Variants in FUBP3 observed in about 807,000 individuals in gnomAD.
FUBP3 encodes the protein far upstream element-binding protein 3.
Under a neutral mutation model 85.6 loss-of-function variants are expected in FUBP3, and 28 were observed. The observed-to-expected ratio is 0.33, with a 90% confidence interval of 0.24 to 0.45. FUBP3 has a LOEUF of 0.45. FUBP3 is among the 20% of genes least tolerant of loss of function. FUBP3 has a pLI of 1.00. For missense variants in FUBP3, 583 were observed against 755.1 expected, an observed-to-expected ratio of 0.77 and a Z score of 2.67; for synonymous variants, 271 against 271.4, an observed-to-expected ratio of 1.00 and a Z score of 0.01.
intron 11 of FUBP3, 111 bp downstream of exon 11, chr9:130,623,822 C>A: frequency 1.8e-6 from 1 of 564,756 alleles, no homozygotes; most frequent in Non-Finnish European, 3.1e-6. Context: ...TCTCAAGTCA[C>A]ATTATGGGAA....
rs868340411 is a variant in FUBP3 at position 130,637,834 on chromosome 9, A to G, written c.*812A>G. On this transcript the variant is annotated 3_prime_UTR_variant, in exon 19 of 19. Transcript: ENST00000319725. ...GTTATTTTTAATATTAAGAAATTCA[A>G]TATAACTTTTAACACACACTGTGGA... 4.6e-5 allele frequency: 7 copies of G among 152,642 alleles called. No individual in the cohort carries two copies. The highest frequency in any genetic ancestry group is 1.2e-4 in the African/African-American group (5 of 41,462). 9.5% of individuals were successfully genotyped at this position (152,642 alleles called of 1,614,324 possible).
intron 9 of FUBP3, among the ~76,000 whole-genome samples, chr9:130,621,382 G>A (rs551514813): frequency 6.6e-6 from 1 of 152,062 alleles, no homozygotes; most frequent in East Asian, 1.9e-4. Context: ...AGTCCCAGCT[G>A]TTCTAGAGGC....
At chr9:130,590,123 C>G (rs1312828458) in intron 1 of FUBP3, among the ~76,000 whole-genome samples, 1 of 133,330 alleles carries the variant, frequency 7.5e-6, no homozygotes, top group African/African-American at 2.8e-5. Context: ...GGAACTAAGT[C>G]AGTATCATAA....
chr9:130,610,647 A>G (rs1831697063), intron 3 of FUBP3, among the ~76,000 whole-genome samples: 1 of 152,246 alleles, frequency 6.6e-6, no homozygotes, highest in South Asian at 2.1e-4. Flanking sequence ...AGGGAAAAAT[A>G]TACAAGAAAC....
At chr9:130,603,627 C>T (rs1259506659) in intron 2 of FUBP3, among the ~76,000 whole-genome samples, 1 of 152,086 alleles carries the variant, frequency 6.6e-6, no homozygotes, top group Non-Finnish European at 1.5e-5. Context: ...GTTGGCTTAG[C>T]CAGCTAGGTA....
intron 12 of FUBP3, among the ~76,000 whole-genome samples, chr9:130,629,895 G>T (rs1387310587): frequency 6.6e-6 from 1 of 152,178 alleles, no homozygotes; most frequent in African/African-American, 2.4e-5. Flanking sequence ...TTCAGAAGAA[G>T]AATCCAACTA....
rs527518464 is a variant in FUBP3 at position 130,591,861 on chromosome 9, G to A, written c.85-3622G>A. 1.4e-3 allele frequency among the ~76,000 whole-genome samples: 211 copies of A among 152,264 alleles called. 1 individual carries two copies. Among genetic ancestry groups the A allele is most frequent in the African/African-American group, 4.7e-3 (197 of 41,560 alleles). On this transcript the variant is annotated intron_variant, in intron 1 of 18. Coordinates refer to ENST00000319725, the MANE Select transcript of FUBP3 (RefSeq NM_003934.2). ...AACTTTTATCATGGCGGCTTTGGAG[G>A]AAAAAATGACATGAAACTACTACAT... is the stretch of plus-strand genomic sequence containing the variant.
chr9:130,584,061 A>C (rs1830241638), intron 1 of FUBP3, among the ~76,000 whole-genome samples: 1 of 152,066 alleles, frequency 6.6e-6, no homozygotes, highest in Non-Finnish European at 1.5e-5. Context: ...TTAAAATCTG[A>C]TAGCCCATGT....
At chr9:130,595,124 G>A (rs1302040069) in intron 1 of FUBP3, among the ~76,000 whole-genome samples, 1 of 150,878 alleles carries the variant, frequency 6.6e-6, no homozygotes, top group South Asian at 2.1e-4. Context: ...TACTTGGGAA[G>A]TCGAGACAGG....
chr9:130,633,785 C>A (rs146061468), intron 16 of FUBP3, among the ~76,000 whole-genome samples: 1 of 152,200 alleles, frequency 6.6e-6, no homozygotes, highest in African/African-American at 2.4e-5. Context: ...TCCTTCCTCC[C>A]GCTGCTTGCT....
intron 2 of FUBP3, among the ~76,000 whole-genome samples, chr9:130,599,618 C>G (rs916803037): frequency 1.3e-5 from 2 of 152,056 alleles, no homozygotes; most frequent in Non-Finnish European, 2.9e-5. Flanking sequence ...ACCAGTCACT[C>G]CACCGCCCTC....
intron 2 of FUBP3, among the ~76,000 whole-genome samples, chr9:130,607,760 G>C (rs1270151756): frequency 2.0e-5 from 3 of 152,188 alleles, no homozygotes; most frequent in African/African-American, 4.8e-5. Flanking sequence ...ACATGTTTCA[G>C]CCTTGGGTGG....
At chr9:130,632,144 G>T in intron 15 of FUBP3, 58 bp from the exon 16 acceptor site, 1 of 1,499,134 alleles carries the variant, frequency 6.7e-7, no homozygotes, top group South Asian at 1.1e-5. Context: ...AGTGAAGAGG[G>T]AGACGACAGG....
rs1017530520 is a variant in FUBP3 at position 130,635,772 on chromosome 9, A to G, written c.1583-227A>G. 2 of 474,190 alleles carry G rather than the reference A, an allele frequency of 4.2e-6. No homozygotes were observed. The highest frequency in any genetic ancestry group is 7.5e-6 in the Non-Finnish European group (2 of 266,102). The allele number at this position is 474,190 out of a possible 1,614,324, so 29.4% of individuals were successfully genotyped here. On this transcript the variant is annotated intron_variant, in intron 17 of 18. Transcript: ENST00000319725. The surrounding 1 kb of genome is among the most constrained non-coding windows in gnomAD (Gnocchi z 4.3). ...GAATGCGCTTCCGCAGAGAGAAGGC[A>G]GGCGTGAGGATTGGTCTTCACAGGC... is the stretch of plus-strand genomic sequence containing the variant.
chr9:130,603,030 A>G (rs762185920), intron 2 of FUBP3, among the ~76,000 whole-genome samples: 1 of 152,124 alleles, frequency 6.6e-6, no homozygotes, highest in African/African-American at 2.4e-5. Context: ...CCAAGGTAAC[A>G]AAGGGTAGAG....
Position 130,613,026 on chromosome 9 carries a change from A to G in FUBP3, c.345A>G (p.Ser115=), listed in dbSNP as rs1397716073. The change falls in exon 5 of 19, where the codon TCA becomes TCG. Residue 115 remains serine, a splice_region_variant and synonymous_variant. Coordinates refer to ENST00000319725, the MANE Select transcript of FUBP3 (RefSeq NM_003934.2). ...AESGCKIQIA[S]ESSGIPERPC... is the part of the protein sequence containing the mutation. ...CTGGTTGCAAAATTCAGATTGCTTCAGGTAAGGGCTTTTTAAAAATAGATA... is the reference window on the plus strand; with the variant it reads ...CTGGTTGCAAAATTCAGATTGCTTCGGGTAAGGGCTTTTTAAAAATAGATA... 2 of 1,591,396 alleles carry G rather than the reference A, an allele frequency of 1.3e-6. No homozygotes were observed. The highest frequency in any genetic ancestry group is 1.7e-6 in the Non-Finnish European group (2 of 1,159,836).
At chr9:130,617,767 T>G in intron 7 of FUBP3, 30 bp from the exon 8 acceptor site, 31 of 1,298,728 alleles carry the variant, frequency 2.4e-5, no homozygotes, top group South Asian at 3.5e-5. Context: ...GCATTATTCA[T>G]GAGGCTGTGC....
In FUBP3 at chr9:130,635,830, C is replaced by T; in HGVS notation, c.1583-169C>T. ...GGGCCGGGCAACAAGAGGCTAACAG[C>T]ACCTTTTGTAGCAAGCGCTCCTGCA... On this transcript the variant is annotated intron_variant, in intron 17 of 18. Coordinates refer to ENST00000319725, the MANE Select transcript of FUBP3 (RefSeq NM_003934.2). This position sits in a 1 kb window ranked among gnomAD's most constrained non-coding sequence, Gnocchi z 4.3. 1.5e-6 allele frequency: 1 copy of T among 649,252 alleles called. No homozygotes were observed. Among genetic ancestry groups the T allele is most frequent in the Non-Finnish European group, 2.7e-6 (1 of 376,762 alleles). The allele number at this position is 649,252 out of a possible 1,614,324, so 40.2% of individuals were successfully genotyped here.
At position 130,603,751 on chromosome 9, in the gene FUBP3, A is replaced by G. The variant is rs551580797; in HGVS notation, c.191-6203A>G. On this transcript the variant is annotated intron_variant, in intron 2 of 18. Coordinates refer to ENST00000319725, the MANE Select transcript of FUBP3 (RefSeq NM_003934.2). The stretch of plus-strand genomic sequence containing the variant: ...GCCTGTTACATTCTTCGCAGCTGTT[A>G]ATAGGGAAGAAAAGTAGTTGCCAAA... Among the ~76,000 whole-genome samples, 19 of 152,330 alleles carry G rather than the reference A, an allele frequency of 1.2e-4. No homozygotes were observed. The South Asian group carries it at 3.3e-3, about 27-fold the overall frequency.
Sources: gnomAD v4.1 joint callset for allele counts (sites outside exome capture counted in the v4.1 genomes callset) on GRCh38, gnomAD v4.1.1 for gene constraint, Gnocchi (gnomAD v3.1) non-coding constraint, MANE v1.5 for transcripts, NCBI Gene and HGNC (gene_info 2026-07-23, HGNC 2026-07-21) for gene names.